CARF: variants seen among roughly 807,000 people sequenced by gnomAD.
The protein encoded by CARF is calcium-responsive transcription factor.
In CARF, 57 loss-of-function variants were observed where a neutral mutation model predicts 82.0. The ratio of observed to expected loss-of-function variants is 0.70; its 90% CI spans 0.56 to 0.87. The LOEUF (loss-of-function observed/expected upper bound fraction) is 0.87, where lower values mean the gene tolerates loss of function less well. Ranked by LOEUF, CARF falls within the 40% of genes least tolerant of loss-of-function variation. The pLI is 0.00. For missense variants in CARF, 771 were observed against 855.8 expected, an observed-to-expected ratio of 0.90 and a Z score of 1.24; for synonymous variants, 268 against 290.1, an observed-to-expected ratio of 0.92 and a Z score of 0.77.
intron 5 of CARF, among the ~76,000 whole-genome samples, chr2:202,945,040 A>G (rs1016161852): frequency 6.6e-6 from 1 of 152,234 alleles, no homozygotes; most frequent in African/African-American, 2.4e-5. Flanking sequence ...AGCATGGAAA[A>G]AAAATGTGAG....
At chr2:202,966,442 G>T (rs138226501) in intron 9 of CARF, among the ~76,000 whole-genome samples, 2,265 of 152,318 alleles carry the variant, frequency 0.015, 27 homozygotes, top group Middle Eastern at 0.051. Context: ...GGGATGCAGT[G>T]GCTCATGCCT....
At chr2:202,980,384 A>G (rs890789058) in intron 14 of CARF, among the ~76,000 whole-genome samples, 2 of 151,814 alleles carry the variant, frequency 1.3e-5, no homozygotes, top group Non-Finnish European at 2.9e-5. Context: ...TAGAGTTTTT[A>G]TTTTTATTCA....
chr2:202,983,605 A>C lies in CARF; in HGVS notation c.2159A>C (p.Lys720Thr), dbSNP rs2060350966. 1 of 1,595,468 alleles carries C rather than the reference A, an allele frequency of 6.3e-7. No homozygotes were observed. Among genetic ancestry groups the C allele is most frequent in the African/African-American group, 1.3e-5 (1 of 74,326 alleles). Residue 720 changes from lysine to threonine, a missense_variant, in exon 17 of 17, where the codon AAG (lysine) becomes ACG (threonine). By Grantham distance (78) the Lys-to-Thr change is moderately conservative. Transcript: ENST00000438828. Reference protein sequence around the residue: ...SMEAKKTVDYKKLSAT With the variant: ...SMEAKKTVDYTKLSAT ...GAAGCAAAAAAAACTGTGGACTATAAGAAATTATCTGCTACATAAATTATT... is the reference window on the plus strand; with the variant it reads ...GAAGCAAAAAAAACTGTGGACTATACGAAATTATCTGCTACATAAATTATT...
intron 5 of CARF, 88 bp from the exon 6 acceptor site, chr2:202,952,471 T>C: frequency 8.5e-7 from 1 of 1,181,548 alleles, no homozygotes; most frequent in South Asian, 1.6e-5. Context: ...TAGAGCTAGG[T>C]ATGTGTTTAA....
In CARF at chr2:202,923,244, A is replaced by G. The variant is rs146819832; in HGVS notation, c.-162-1053A>G. 8.1e-3 allele frequency among the ~76,000 whole-genome samples: 1,241 copies of G among 152,304 alleles called. 10 individuals are homozygous for G. Among genetic ancestry groups the G allele is most frequent in the South Asian group, 0.015 (74 of 4,830 alleles). ...GCAAAAGAGTGAAACTCCATCTCAA[A>G]AAACAAAAAATAAAGAATTCAGCAA... On this transcript the variant is annotated intron_variant, in intron 2 of 16. Transcript: ENST00000438828.
chr2:202,973,139 G>C (rs2059874585), intron 12 of CARF, among the ~76,000 whole-genome samples: 1 of 152,098 alleles, frequency 6.6e-6, no homozygotes, highest in Admixed American at 6.5e-5. Context: ...TCAGTTTCCA[G>C]GAGCCTAACA....
In CARF at chr2:202,950,611, T is replaced by G. The variant is rs556196791; in HGVS notation, c.307-1948T>G. ...ATTGGGAGCTAGTACAGAGTGGTAG[T>G]TTGAAGGAGTCAGATTGCTTGAGTT... On this transcript the variant is annotated intron_variant, in intron 5 of 16. Coordinates refer to ENST00000438828, the MANE Select transcript of CARF (RefSeq NM_024744.17). Among the ~76,000 whole-genome samples the G allele has an allele frequency of 3.3e-5, 5 of 152,282 alleles. 1 individual carries two copies. The South Asian group carries it at 1.0e-3, about 32-fold the overall frequency.
intron 9 of CARF, among the ~76,000 whole-genome samples, chr2:202,966,155 A>G (rs1340998480): frequency 6.6e-6 from 1 of 152,158 alleles, no homozygotes; most frequent in Non-Finnish European, 1.5e-5. Flanking sequence ...GCAGCCTAAT[A>G]TCAAAAATTA....
intron 3 of CARF, among the ~76,000 whole-genome samples, chr2:202,937,172 G>A (rs188238151): frequency 1.3e-5 from 2 of 152,170 alleles, no homozygotes; most frequent in South Asian, 2.1e-4. Flanking sequence ...TCTGAGCACT[G>A]CTTTTTTGCA....
At chr2:202,971,858 G>T in intron 12 of CARF, 120 bp downstream of exon 12, 1 of 560,744 alleles carries the variant, frequency 1.8e-6, no homozygotes, top group Non-Finnish European at 3.1e-6. Context: ...AAGGAATATA[G>T]TTTATTAATT....
chr2:202,953,618 A>C (rs1311194720), intron 6 of CARF, among the ~76,000 whole-genome samples: 1 of 134,768 alleles, frequency 7.4e-6, no homozygotes, highest in Non-Finnish European at 1.5e-5. Flanking sequence ...AGATATTTTT[A>C]CCTTAGTGTT....
At chr2:202,974,580 G>C in intron 13 of CARF, 84 bp downstream of exon 13, 2 of 1,303,630 alleles carry the variant, frequency 1.5e-6, no homozygotes, top group Non-Finnish European at 2.1e-6. Context: ...GCTAGTGTTA[G>C]GCCATCTGAA....
intron 7 of CARF, among the ~76,000 whole-genome samples, 197 bp from the exon 8 acceptor site, chr2:202,955,477 G>A (rs879881170): frequency 5.3e-5 from 8 of 152,154 alleles, no homozygotes; most frequent in Non-Finnish European, 8.8e-5. Flanking sequence ...TTAGGTCTTT[G>A]ACTTAGCAGT....
chr2:202,958,091 T>C (rs2059133642), intron 8 of CARF, among the ~76,000 whole-genome samples: 1 of 152,216 alleles, frequency 6.6e-6, no homozygotes, highest in South Asian at 2.1e-4. Flanking sequence ...AATGCTTCAT[T>C]GTTTTAAACA....
chr2:202,952,219 T>C (rs1391378276), intron 5 of CARF, among the ~76,000 whole-genome samples: 3 of 152,146 alleles, frequency 2.0e-5, no homozygotes. Context: ...GTATGAATAA[T>C]ACAGTAAGTG....
At chr2:202,942,009 A>G (rs1447413908) in intron 4 of CARF, 29 bp downstream of exon 4, 4 of 1,554,968 alleles carry the variant, frequency 2.6e-6, no homozygotes. Context: ...ACCTTTTTCC[A>G]TCCTAGGGTA....
rs544583114 is a variant in CARF at position 202,987,884 on chromosome 2, C to T, written c.*4260C>T. On this transcript the variant is annotated 3_prime_UTR_variant, in exon 17 of 17. Transcript: ENST00000438828. ...CCAATATGATAAGTTTTGTCATATG[C>T]ATACAGCCATGAAATCATCAGCATA... Among the ~76,000 whole-genome samples, 12 of 152,222 alleles carry T rather than the reference C, an allele frequency of 7.9e-5. No homozygotes were observed. Among genetic ancestry groups the T allele is most frequent in the South Asian group, 6.2e-4 (3 of 4,824 alleles).
chr2:202,916,165 TA>T (rs869117250), intron 1 of CARF, among the ~76,000 whole-genome samples: 10 of 11,958 alleles, frequency 8.4e-4, no homozygotes, highest in Admixed American at 4.7e-3. Context: ...AGCAATATTT[TA>T]TTTATTTATT....
intron 3 of CARF, among the ~76,000 whole-genome samples, chr2:202,935,105 T>C (rs1693671762): frequency 7.0e-6 from 1 of 142,448 alleles, no homozygotes; most frequent in Admixed American, 7.3e-5. Flanking sequence ...ATATATAATA[T>C]ATAATTATAT....
Sources: allele counts gnomAD v4.1 joint callset (sites outside exome capture counted in the v4.1 genomes callset), GRCh38; gene constraint gnomAD v4.1.1; transcripts MANE v1.5; gene names NCBI Gene and HGNC (gene_info 2026-07-23, HGNC 2026-07-21).